HNRNPLL: variants seen among roughly 807,000 people sequenced by gnomAD.
HNRNPLL encodes heterogeneous nuclear ribonucleoprotein L-like.
HNRNPLL carries 25 observed loss-of-function variants against 67.1 expected under a neutral mutation model. The observed-to-expected ratio is 0.37, with a 90% CI of 0.27 to 0.52. The LOEUF is 0.52. HNRNPLL is among the 20% of genes least tolerant of loss of function. The pLI, the probability that HNRNPLL is intolerant of heterozygous loss-of-function variation, is 0.90. For synonymous variants in HNRNPLL, 267 were observed against 241.7 expected (o/e 1.10, Z -0.97); for missense variants, 542 against 673.9 (o/e 0.80, Z 2.17).
intron 2 of HNRNPLL, among the ~76,000 whole-genome samples, chr2:38,589,090 G>A (rs1666856948): frequency 6.6e-6 from 1 of 152,064 alleles, no homozygotes; most frequent in African/African-American, 2.4e-5. Context: ...TGGGAGAGAA[G>A]GGGAAAAAGA....
chr2:38,581,647 T>C, intron 6 of HNRNPLL: 1 of 519,638 alleles, frequency 1.9e-6, no homozygotes, highest in Non-Finnish European at 3.4e-6. Context: ...AGAGAGCTGC[T>C]TGGAGAAATG....
chr2:38,597,579 C>T (rs1370181755), intron 1 of HNRNPLL, among the ~76,000 whole-genome samples: 1 of 152,158 alleles, frequency 6.6e-6, no homozygotes, highest in Admixed American at 6.5e-5. Flanking sequence ...TAAAGAAGCA[C>T]ATCTAAAACA....
At chr2:38,565,069 A>AT (rs1196540388) in intron 12 of HNRNPLL, among the ~76,000 whole-genome samples, 1 of 151,860 alleles carries the variant, frequency 6.6e-6, no homozygotes, top group Non-Finnish European at 1.5e-5. Flanking sequence ...CTTTCCTTTA[A>AT]TTTTTCAGAC....
intron 4 of HNRNPLL, among the ~76,000 whole-genome samples, chr2:38,582,871 T>C (rs1474611200): frequency 2.1e-5 from 3 of 145,832 alleles, no homozygotes; most frequent in Non-Finnish European, 4.5e-5. Context: ...CAAAACTCCA[T>C]CTTAAAAAAA....
intron 4 of HNRNPLL, 82 bp downstream of exon 4, chr2:38,583,759 C>G: frequency 6.8e-6 from 4 of 584,584 alleles, no homozygotes; most frequent in Non-Finnish European, 1.2e-5. Flanking sequence ...AAGTAAACAC[C>G]ACTTGTCTAG....
chr2:38,582,790 G>C (rs979593919), intron 4 of HNRNPLL, among the ~76,000 whole-genome samples: 3 of 151,700 alleles, frequency 2.0e-5, no homozygotes, highest in African/African-American at 7.3e-5. Flanking sequence ...TGTGGTGGCA[G>C]GTGCCTGTCA....
In HNRNPLL at chr2:38,562,099, T is replaced by C. The variant is rs1161417024; in HGVS notation, c.*2083A>G. Reference sequence around the variant, plus strand: ...CTTTACAGTTCTTAAATCTGCTTTTTCTAGTTCTTCTAAAAGCATAAAGAT... The same window carrying C: ...CTTTACAGTTCTTAAATCTGCTTTTCCTAGTTCTTCTAAAAGCATAAAGAT... On this transcript the variant is annotated 3_prime_UTR_variant, in exon 13 of 13. Coordinates refer to ENST00000449105, the MANE Select transcript of HNRNPLL (RefSeq NM_138394.4). The C allele has an allele frequency of 6.6e-6, 1 of 152,176 alleles. No homozygotes were observed. Among genetic ancestry groups the C allele is most frequent in the African/African-American group, 2.4e-5 (1 of 41,452 alleles). 9.4% of individuals were successfully genotyped at this position (152,176 alleles called of 1,614,324 possible).
intron 1 of HNRNPLL, 107 bp from the exon 2 acceptor site, chr2:38,591,755 C>G: frequency 1.6e-6 from 1 of 609,872 alleles, no homozygotes. Flanking sequence ...GTGGGAGGGT[C>G]ATTTGAGGTC....
intron 6 of HNRNPLL, among the ~76,000 whole-genome samples, chr2:38,580,034 G>A (rs1279895173): frequency 6.6e-6 from 1 of 152,118 alleles, no homozygotes. Context: ...ACTAACCTCA[G>A]CTGGCTTTGT....
At chr2:38,593,558 T>C (rs903943676) in intron 1 of HNRNPLL, among the ~76,000 whole-genome samples, 8 of 152,040 alleles carry the variant, frequency 5.3e-5, no homozygotes, top group African/African-American at 1.4e-4. Flanking sequence ...CAAAAACCAG[T>C]GGAGGGAAGA....
At chr2:38,595,919 G>A (rs1250064275) in intron 1 of HNRNPLL, among the ~76,000 whole-genome samples, 2 of 152,072 alleles carry the variant, frequency 1.3e-5, no homozygotes, top group African/African-American at 2.4e-5. Context: ...TCAACCTCAA[G>A]GCAGAAAACA....
chr2:38,584,902 G>A (rs1008395306), intron 3 of HNRNPLL, among the ~76,000 whole-genome samples: 1 of 151,456 alleles, frequency 6.6e-6, no homozygotes, highest in African/African-American at 2.4e-5. Flanking sequence ...TCCCAACACC[G>A]AATATTATAA....
intron 4 of HNRNPLL, among the ~76,000 whole-genome samples, chr2:38,582,592 G>T (rs1288701612): frequency 6.6e-6 from 1 of 152,108 alleles, no homozygotes; most frequent in East Asian, 1.9e-4. Context: ...TCACAGACGT[G>T]AGTCACTGCG....
rs913857540 is a variant in HNRNPLL, at chr2:38,573,126, C to A, written c.1092+84G>T. ...TCAAAGAATTTGGATATTCCTGATA[C>A]AAGGAGAAGACACATATTTGCAGCC... On this transcript the variant is annotated intron_variant, in intron 8 of 12. Coordinates refer to ENST00000449105, the MANE Select transcript of HNRNPLL (RefSeq NM_138394.4). 9 of 846,004 alleles carry A rather than the reference C, an allele frequency of 1.1e-5. No individual in the cohort carries two copies. The African/African-American group carries it at 1.2e-4, about 11-fold the overall frequency. 52.4% of individuals were successfully genotyped at this position (846,004 alleles called of 1,614,324 possible).
chr2:38,572,707 G>C (rs1005626972), intron 8 of HNRNPLL, among the ~76,000 whole-genome samples: 1 of 152,026 alleles, frequency 6.6e-6, no homozygotes, highest in Non-Finnish European at 1.5e-5. Context: ...ATCAAAGTGG[G>C]TCAGTTTCAA....
chr2:38,585,572 C>A (rs1653668622), intron 3 of HNRNPLL, 72 bp downstream of exon 3: 1 of 889,404 alleles, frequency 1.1e-6, no homozygotes, highest in Non-Finnish European at 1.9e-6. Context: ...AATGAAAAAA[C>A]TACAGATCAG....
chr2:38,582,602 GC>G, intron 4 of HNRNPLL, among the ~76,000 whole-genome samples: 1 of 152,046 alleles, frequency 6.6e-6, no homozygotes, highest in East Asian at 1.9e-4. Context: ...GAGTCACTGC[GC>G]CTGGCCAGGA....
chr2:38,563,948 A>C lies in HNRNPLL; in HGVS notation c.*234T>G. ...AAGGTTAGAAATCATATATCTGTAT[A>C]ATCTACAATGAAGCTGTAGATAGTC... is the stretch of plus-strand genomic sequence containing the variant. On this transcript the variant is annotated 3_prime_UTR_variant, in exon 13 of 13. Transcript: ENST00000449105. 2.4e-6 allele frequency: 1 copy of C among 417,746 alleles called. No homozygotes were observed. Among genetic ancestry groups the C allele is most frequent in the Non-Finnish European group, 4.3e-6 (1 of 234,474 alleles). 25.9% of individuals were successfully genotyped at this position (417,746 alleles called of 1,614,324 possible).
At chr2:38,581,074 G>A (rs1308821307) in intron 6 of HNRNPLL, 2 of 152,186 alleles carry the variant, frequency 1.3e-5, no homozygotes, top group East Asian at 1.9e-4. Flanking sequence ...CAGCAAGTGT[G>A]CACCTTTCTA....
Sources: gnomAD v4.1 joint callset for allele counts (sites outside exome capture counted in the v4.1 genomes callset) on GRCh38, gnomAD v4.1.1 for gene constraint, MANE v1.5 for transcripts, NCBI Gene and HGNC (gene_info 2026-07-23, HGNC 2026-07-21) for gene names.